Variants in MMP26 observed in about 807,000 individuals in gnomAD.
The protein encoded by MMP26 is matrix metallopeptidase 26, also known as matrix metalloproteinase-26.
A neutral mutation model predicts 31.0 loss-of-function variants in MMP26; 33 were observed. The observed-to-expected ratio is 1.06, with a 90% confidence interval of 0.81 to 1.42. The LOEUF (loss-of-function observed/expected upper bound fraction) is 1.42, where lower values mean the gene tolerates loss of function less well. Ranked by LOEUF, MMP26 falls within the 40% of genes most tolerant of loss-of-function variation. The probability of loss-of-function intolerance (pLI) is 0.00; values close to 1 mark genes in which losing one functional copy is unlikely to be tolerated. For missense variants in MMP26, 347 were observed against 316.1 expected, an observed-to-expected ratio of 1.10 and a Z score of -0.74; for synonymous variants, 122 against 114.9, an observed-to-expected ratio of 1.06 and a Z score of -0.40.
intron 2 of MMP26, among the ~76,000 whole-genome samples, chr11:4,959,917 C>T (rs1044916047): frequency 1.3e-5 from 2 of 151,986 alleles, no homozygotes; most frequent in Non-Finnish European, 2.9e-5. Context: ...TTTTTTCTCA[C>T]CTTTAGACTC....
intron 2 of MMP26, among the ~76,000 whole-genome samples, chr11:4,840,277 C>A (rs11034157): frequency 0.018 from 2,796 of 152,324 alleles, 36 homozygotes; most frequent in Non-Finnish European, 0.028. Flanking sequence ...AGGACACAGG[C>A]CTGGCTGGCT....
At chr11:4,945,576 A>G (rs1239926768) in intron 2 of MMP26, 2 of 155,124 alleles carry the variant, frequency 1.3e-5, no homozygotes, top group African/African-American at 4.8e-5. Context: ...GAACTTAGCA[A>G]TATTTTATGA....
chr11:4,859,632 CTGG>C, intron 2 of MMP26: 1 of 436,928 alleles, frequency 2.3e-6, no homozygotes, highest in Admixed American at 2.7e-5. Flanking sequence ...TTTTTTGCCT[CTGG>C]AACACTTGAA....
chr11:4,926,129 C>T (rs973438636), intron 2 of MMP26, among the ~76,000 whole-genome samples: 8 of 151,958 alleles, frequency 5.3e-5, no homozygotes, highest in Non-Finnish European at 1.2e-4. Flanking sequence ...GTAGCTTTTG[C>T]CACTCACATT....
intron 2 of MMP26, among the ~76,000 whole-genome samples, chr11:4,843,762 G>GA (rs951042018): frequency 1.3e-5 from 2 of 152,124 alleles, no homozygotes; most frequent in African/African-American, 4.8e-5. Flanking sequence ...TTTATCCCCA[G>GA]AAAAATAGGT....
At chr11:4,943,036 C>A (rs932243658) in intron 2 of MMP26, 1 of 153,764 alleles carries the variant, frequency 6.5e-6, no homozygotes, top group Non-Finnish European at 1.4e-5. Flanking sequence ...CTATATCATA[C>A]AGGCATATTC....
At chr11:4,847,147 C>T (rs1849883319) in intron 2 of MMP26, among the ~76,000 whole-genome samples, 1 of 152,222 alleles carries the variant, frequency 6.6e-6, no homozygotes, top group Admixed American at 6.5e-5. Flanking sequence ...TTGCTTTTAT[C>T]ACATCCACTA....
intron 1 of MMP26, among the ~76,000 whole-genome samples, chr11:4,727,725 C>G (rs532584197): frequency 2.6e-4 from 39 of 152,314 alleles, no homozygotes; most frequent in African/African-American, 6.5e-4. Context: ...GAGAGAATTG[C>G]TTGAACCCGG....
chr11:4,727,527 TGGCTG>T (rs770110280), intron 1 of MMP26, among the ~76,000 whole-genome samples: 11 of 152,158 alleles, frequency 7.2e-5, no homozygotes, highest in African/African-American at 1.2e-4. Flanking sequence ...AAAAAATACT[TGGCTG>T]GGCACGGTGG....
intron 1 of MMP26, among the ~76,000 whole-genome samples, chr11:4,753,148 C>T (rs1323632606): frequency 1.3e-5 from 2 of 152,102 alleles, no homozygotes; most frequent in African/African-American, 4.8e-5. Context: ...TGCCCAAGAT[C>T]AACTAATTGA....
chr11:4,924,426 T>A, intron 2 of MMP26: 1 of 1,369,748 alleles, frequency 7.3e-7, no homozygotes, highest in South Asian at 1.4e-5. Flanking sequence ...CACCTAAATG[T>A]CCCAAGATCA....
chr11:4,705,880 C>G (rs756989582), intron 1 of MMP26, among the ~76,000 whole-genome samples: 1 of 140,456 alleles, frequency 7.1e-6, no homozygotes, highest in African/African-American at 2.6e-5. Context: ...CCTAGCTACT[C>G]GGGAGGCTGA....
chr11:4,724,054 G>A, intron 1 of MMP26: 1 of 660,252 alleles, frequency 1.5e-6, no homozygotes, highest in Non-Finnish European at 2.7e-6. Context: ...GGTACCACTG[G>A]GGAAAAGCTT....
At chr11:4,725,929 A>G (rs530701847) in intron 1 of MMP26, among the ~76,000 whole-genome samples, 2 of 152,318 alleles carry the variant, frequency 1.3e-5, no homozygotes, top group South Asian at 4.1e-4. Flanking sequence ...GAGAGCCAGT[A>G]AGAAGGTCCT....
rs536567448 is a variant in MMP26 at position 4,977,079 on chromosome 11, G to A, written c.-144-10989G>A. 2.4e-4 allele frequency among the ~76,000 whole-genome samples: 37 copies of A among 151,374 alleles called. 1 individual carries two copies. Among genetic ancestry groups the A allele is most frequent in the African/African-American group, 7.6e-4 (31 of 40,760 alleles). ...TTTTAAATTTTATCTATTAGTCTGA[G>A]TACTTCCTATATTAAATAAATGTAT... On this transcript the variant is annotated intron_variant, in intron 2 of 7. Transcript: ENST00000380390.
intron 2 of MMP26, among the ~76,000 whole-genome samples, chr11:4,800,353 T>C (rs1332095877): frequency 6.6e-6 from 1 of 152,206 alleles, no homozygotes; most frequent in East Asian, 1.9e-4. Flanking sequence ...TGGCACACTC[T>C]AGAGTGGCAG....
intron 2 of MMP26, among the ~76,000 whole-genome samples, chr11:4,976,330 G>A (rs569702464): frequency 5.3e-4 from 80 of 152,142 alleles, no homozygotes; most frequent in Non-Finnish European, 9.9e-4. Flanking sequence ...GTATAATAAT[G>A]TTGTCAGGAT....
Position 4,915,146 on chromosome 11 carries a change from T to C in MMP26, c.-144-72922T>C, listed in dbSNP as rs145244248. The C allele has an allele frequency of 6.4e-5, 104 of 1,613,842 alleles. No homozygotes were observed. Among genetic ancestry groups the C allele is most frequent in the Admixed American group, 3.2e-4 (19 of 59,974 alleles). On this transcript the variant is annotated intron_variant, in intron 2 of 7. Coordinates refer to ENST00000380390, the MANE Select transcript of MMP26 (RefSeq NM_021801.5). ...ATGTGAGAGAACTGGGGAGCCACAA[T>C]AGGGGAATCTTTTGAGCATAAAAGG...
chr11:4,882,919 G>A, intron 2 of MMP26: 4 of 1,543,476 alleles, frequency 2.6e-6, no homozygotes, highest in Non-Finnish European at 3.5e-6. Flanking sequence ...TTATGCTTTG[G>A]AAAGAAAGGG....
Sources: allele counts gnomAD v4.1 joint callset (sites outside exome capture counted in the v4.1 genomes callset), GRCh38; gene constraint gnomAD v4.1.1; transcripts MANE v1.5; gene names NCBI Gene and HGNC (gene_info 2026-07-23, HGNC 2026-07-21).